CCDC57: variants seen among roughly 807,000 people sequenced by gnomAD.
CCDC57 encodes the protein coiled-coil domain containing 57, also known as coiled-coil domain-containing protein 57.
A neutral mutation model predicts 118.9 loss-of-function variants in CCDC57; 118 were observed. The ratio of observed to expected loss-of-function variants is 0.99; its 90% CI spans 0.86 to 1.16. The LOEUF (loss-of-function observed/expected upper bound fraction) is 1.16, where lower values mean the gene tolerates loss of function less well. Ranked by LOEUF, CCDC57 falls within the 50% of genes most tolerant of loss-of-function variation. The pLI is 0.00. For synonymous variants in CCDC57, 527 were observed against 532.9 expected (o/e 0.99, Z 0.15); for missense variants, 1,300 against 1,320.7 (o/e 0.98, Z 0.24).
chr17:82,134,547 A>G (rs1396737287), intron 16 of CCDC57, among the ~76,000 whole-genome samples: 2 of 152,138 alleles, frequency 1.3e-5, no homozygotes, highest in African/African-American at 4.8e-5. Flanking sequence ...TAATCCCAGC[A>G]CTTTGGGAGG....
chr17:82,109,118 C>G (rs114019666), intron 19 of CCDC57, among the ~76,000 whole-genome samples: 1,789 of 152,338 alleles, frequency 0.012, 36 homozygotes, highest in African/African-American at 0.041. Context: ...CGTTCTATCC[C>G]AGGCCCACAC....
intron 13 of CCDC57, among the ~76,000 whole-genome samples, chr17:82,171,228 C>T (rs2044677228): frequency 7.0e-6 from 1 of 142,616 alleles, no homozygotes; most frequent in African/African-American, 2.7e-5. Flanking sequence ...AGCCAGGGCA[C>T]GTGGGCTCCG....
At chr17:82,123,714 C>G (rs1598713150) in intron 19 of CCDC57, among the ~76,000 whole-genome samples, 1 of 151,492 alleles carries the variant, frequency 6.6e-6, no homozygotes, top group Admixed American at 6.6e-5. Context: ...CAGTAACAGA[C>G]AAAAAAATAA....
intron 19 of CCDC57, among the ~76,000 whole-genome samples, chr17:82,109,322 A>G (rs2035086871): frequency 6.6e-6 from 1 of 152,274 alleles, no homozygotes; most frequent in Non-Finnish European, 1.5e-5. Context: ...GCTGCGAGGC[A>G]TAAGGTTCTG....
At chr17:82,134,136 C>A in exon 17 of CCDC57, 2 of 1,389,326 alleles carry the variant, frequency 1.4e-6, no homozygotes, top group Non-Finnish European at 1.9e-6. Flanking sequence ...GCCTCCTGGG[C>A]TCCTCGCCTG....
chr17:82,109,200 T>C (rs2035075341), intron 19 of CCDC57, among the ~76,000 whole-genome samples: 1 of 152,090 alleles, frequency 6.6e-6, no homozygotes, highest in African/African-American at 2.4e-5. Context: ...GAGCAAGACA[T>C]GGACAGGAAA....
At chr17:82,143,747 C>A (rs1312520171) in intron 16 of CCDC57, among the ~76,000 whole-genome samples, 1 of 152,042 alleles carries the variant, frequency 6.6e-6, no homozygotes, top group South Asian at 2.1e-4. Context: ...CAAATCCACA[C>A]TTAGACACAA....
At chr17:82,143,820 C>T (rs895822587) in intron 16 of CCDC57, among the ~76,000 whole-genome samples, 3 of 151,732 alleles carry the variant, frequency 2.0e-5, no homozygotes, top group Non-Finnish European at 2.9e-5. Context: ...TTCCCCAGGC[C>T]GGGCGCAGTG....
chr17:82,201,825 C>T (rs1338255838), exon 3 of CCDC57: 1 of 1,613,442 alleles, frequency 6.2e-7, no homozygotes, highest in Non-Finnish European at 8.5e-7. Context: ...CCAGCTGGCT[C>T]CGTGTGTCCT....
chr17:82,187,380 G>A (rs1219234527), intron 8 of CCDC57, among the ~76,000 whole-genome samples: 1 of 148,230 alleles, frequency 6.7e-6, no homozygotes, highest in East Asian at 2.0e-4. Flanking sequence ...TCTGACACAT[G>A]TTAAAATGTG....
In CCDC57 at chr17:82,120,948, G is replaced by A. The variant is rs572553320; in HGVS notation, c.2899+6744C>T. The stretch of plus-strand genomic sequence containing the variant: ...TTTTTTGTATTTTTAGTAGAGACAG[G>A]GTTTCACCGTGTTAGCCAGGATGGT... On this transcript the variant is annotated intron_variant, in intron 19 of 19. Coordinates refer to ENST00000665763, the Ensembl canonical transcript of CCDC57. Among the ~76,000 whole-genome samples the A allele has an allele frequency of 5.9e-5, 9 of 152,224 alleles. No individual in the cohort carries two copies. In the South Asian group the frequency reaches 1.7e-3, roughly 28 times the overall value.
intron 7 of CCDC57, among the ~76,000 whole-genome samples, chr17:82,190,139 C>T (rs1262099384): frequency 4.6e-5 from 7 of 151,828 alleles, no homozygotes; most frequent in African/African-American, 1.5e-4. Flanking sequence ...AGAGTGACTT[C>T]TCAAGGTTCT....
At chr17:82,194,442 C>A (rs2048058803) in intron 5 of CCDC57, among the ~76,000 whole-genome samples, 1 of 151,968 alleles carries the variant, frequency 6.6e-6, no homozygotes, top group Non-Finnish European at 1.5e-5. Flanking sequence ...TCACGAGTAG[C>A]TGGGATTACA....
chr17:82,205,711 G>GT (rs1393484924), intron 2 of CCDC57, among the ~76,000 whole-genome samples: 1 of 152,190 alleles, frequency 6.6e-6, no homozygotes, highest in African/African-American at 2.4e-5. Flanking sequence ...TGTGAGATGG[G>GT]TGCTCCCAGG....
At chr17:82,127,611 G>C in intron 19 of CCDC57, 81 bp downstream of exon 18, 2 of 1,497,112 alleles carry the variant, frequency 1.3e-6, no homozygotes, top group African/African-American at 2.8e-5. Flanking sequence ...GCAGGGTGCT[G>C]ACTCTCCACA....
exon 6 of CCDC57, chr17:82,194,083 T>G (rs1490253703): frequency 6.2e-7 from 1 of 1,613,860 alleles, no homozygotes; most frequent in Non-Finnish European, 8.5e-7. Flanking sequence ...GCAGACTCTC[T>G]GCAGCCTTTG....
intron 16 of CCDC57, among the ~76,000 whole-genome samples, chr17:82,148,316 A>G (rs1187822383): frequency 2.1e-4 from 12 of 57,616 alleles, no homozygotes; most frequent in Non-Finnish European, 2.8e-4. Context: ...TGAATGGATA[A>G]ATGGGTGGGT....
chr17:82,109,340 G>A (rs1356884155), intron 19 of CCDC57, among the ~76,000 whole-genome samples: 2 of 152,224 alleles, frequency 1.3e-5, no homozygotes, highest in East Asian at 3.8e-4. Context: ...CTGTGAGCCC[G>A]GTGTGAGCTG....
chr17:82,158,857 C>G (rs575962835), intron 14 of CCDC57, among the ~76,000 whole-genome samples: 1 of 142,664 alleles, frequency 7.0e-6, no homozygotes, highest in African/African-American at 2.6e-5. Context: ...CGCATCCAGC[C>G]TATTTCTATT....
Sources: allele counts gnomAD v4.1 joint callset (sites outside exome capture counted in the v4.1 genomes callset), GRCh38; gene constraint gnomAD v4.1.1; transcripts MANE v1.5; gene names NCBI Gene and HGNC (gene_info 2026-07-23, HGNC 2026-07-21).